EML1: variants seen among roughly 807,000 people sequenced by gnomAD.
EML1 encodes the protein echinoderm microtubule-associated protein-like 1.
In EML1, 27 loss-of-function variants were observed where a neutral mutation model predicts 110.4. That is an observed-to-expected ratio of 0.24 (90% CI 0.18 to 0.34). The LOEUF is 0.34. EML1 is among the 10% of genes least tolerant of loss of function. The pLI, the probability that EML1 is intolerant of heterozygous loss-of-function variation, is 1.00. For missense variants in EML1, 741 were observed against 1,030.9 expected (o/e 0.72, Z 3.85); for synonymous variants, 344 against 385.8 (o/e 0.89, Z 1.27).
chr14:99,865,105 T>C (rs2059073104), intron 2 of EML1, among the ~76,000 whole-genome samples: 2 of 152,196 alleles, frequency 1.3e-5, no homozygotes, highest in Admixed American at 1.3e-4. Context: ...CATTTTAATA[T>C]ATAATGAAAT....
At chr14:99,767,643 A>G (rs547053934) in intron 1 of EML1, among the ~76,000 whole-genome samples, 31 of 152,278 alleles carry the variant, frequency 2.0e-4, no homozygotes, top group African/African-American at 7.2e-4. Flanking sequence ...AATGGGAATT[A>G]GGGTTCTCTG....
At chr14:99,913,578 G>A (rs1188485416) in intron 13 of EML1, among the ~76,000 whole-genome samples, 1 of 152,154 alleles carries the variant, frequency 6.6e-6, no homozygotes, top group East Asian at 1.9e-4. Flanking sequence ...AAATTTTGTT[G>A]AGGAAAATGC....
At chr14:99,764,579 C>T (rs1242652934) in intron 1 of EML1, among the ~76,000 whole-genome samples, 2 of 152,264 alleles carry the variant, frequency 1.3e-5, no homozygotes, top group African/African-American at 4.8e-5. Flanking sequence ...TCTAGTGGAG[C>T]ATGCAGGTTG....
chr14:99,832,591 T>A (rs2058477272), intron 1 of EML1, among the ~76,000 whole-genome samples: 1 of 152,212 alleles, frequency 6.6e-6, no homozygotes, highest in Non-Finnish European at 1.5e-5. Context: ...TCATTTCGGT[T>A]TTAATTTGCA....
intron 1 of EML1, among the ~76,000 whole-genome samples, chr14:99,819,169 G>A (rs2058219683): frequency 1.3e-5 from 2 of 152,060 alleles, no homozygotes; most frequent in East Asian, 3.9e-4. Context: ...GCCCAGATTG[G>A]TCTTTGAACT....
intron 4 of EML1, among the ~76,000 whole-genome samples, chr14:99,884,912 C>G (rs891509626): frequency 6.6e-6 from 1 of 152,176 alleles, no homozygotes; most frequent in Admixed American, 6.5e-5. Flanking sequence ...AGACCCAACT[C>G]AGGATCCCCT....
intron 3 of EML1, among the ~76,000 whole-genome samples, chr14:99,872,197 G>A (rs2059217165): frequency 6.6e-6 from 1 of 152,116 alleles, no homozygotes; most frequent in Non-Finnish European, 1.5e-5. Flanking sequence ...AACAAGTCCT[G>A]GCTATGAACA....
At chr14:99,847,692 T>C (rs575992406) in intron 1 of EML1, among the ~76,000 whole-genome samples, 2 of 152,332 alleles carry the variant, frequency 1.3e-5, no homozygotes, top group African/African-American at 4.8e-5. Flanking sequence ...ATTTTAAAGC[T>C]CTATTAGGCA....
chr14:99,814,545 A>G (rs527616150), intron 1 of EML1, among the ~76,000 whole-genome samples: 1 of 152,278 alleles, frequency 6.6e-6, no homozygotes, highest in African/African-American at 2.4e-5. Context: ...GGTTACAGAC[A>G]TGAGCCACTG....
chr14:99,759,249 C>T (rs1364737308), intron 1 of EML1, among the ~76,000 whole-genome samples: 2 of 152,222 alleles, frequency 1.3e-5, no homozygotes, highest in Admixed American at 6.5e-5. Context: ...AGTCAGCCCT[C>T]AGCCCCTCCA....
chr14:99,846,689 T>G (rs1196683170), intron 1 of EML1, among the ~76,000 whole-genome samples: 1 of 152,222 alleles, frequency 6.6e-6, no homozygotes, highest in Non-Finnish European at 1.5e-5. Context: ...TTTATATAAC[T>G]TATCAAATTA....
At chr14:99,885,147 CTATT>C (rs1249132389) in intron 4 of EML1, among the ~76,000 whole-genome samples, 7 of 152,208 alleles carry the variant, frequency 4.6e-5, no homozygotes, top group Admixed American at 1.3e-4. Context: ...TGCTCAATAA[CTATT>C]TGTTGAATGG....
intron 9 of EML1, among the ~76,000 whole-genome samples, chr14:99,906,215 C>T (rs111663450): frequency 0.019 from 2,946 of 152,160 alleles, 44 homozygotes; most frequent in Middle Eastern, 0.041. Flanking sequence ...TAAAGGGGTC[C>T]CAATCCAGAC....
chr14:99,741,606 A>C (rs1224888311), intron 1 of EML1, among the ~76,000 whole-genome samples: 1 of 136,706 alleles, frequency 7.3e-6, no homozygotes, highest in Non-Finnish European at 1.6e-5. Flanking sequence ...GAACCCAGAC[A>C]GCACCCCAGC....
chr14:99,794,032 T>C (rs1169521726), intron 1 of EML1, among the ~76,000 whole-genome samples: 1 of 152,204 alleles, frequency 6.6e-6, no homozygotes, highest in African/African-American at 2.4e-5. Flanking sequence ...CAGGTCTACT[T>C]TAATGAAATC....
At chr14:99,840,711 G>A in intron 1 of EML1, among the ~76,000 whole-genome samples, 1 of 152,228 alleles carries the variant, frequency 6.6e-6, no homozygotes, top group South Asian at 2.1e-4. Flanking sequence ...ATAGCACTCA[G>A]ATAACAATGT....
At position 99,923,193 on chromosome 14, in the gene EML1, C is replaced by T. The variant is rs183326379; in HGVS notation, c.1909+2316C>T. On this transcript the variant is annotated intron_variant, in intron 17 of 21. Transcript: ENST00000262233. ...CTGGGCCCAAGTGATCTGCCTGCCTCGGCCTCCCAAAACTGCTGGGATTAT... is the reference window on the plus strand; with the variant it reads ...CTGGGCCCAAGTGATCTGCCTGCCTTGGCCTCCCAAAACTGCTGGGATTAT... Among the ~76,000 whole-genome samples, 536 of 152,300 alleles carry T rather than the reference C, an allele frequency of 3.5e-3. 3 individuals carry two copies. Among genetic ancestry groups the T allele is most frequent in the Non-Finnish European group, 5.4e-3 (366 of 68,012 alleles).
chr14:99,857,103 C>T (rs2058915617), intron 2 of EML1, among the ~76,000 whole-genome samples: 1 of 152,012 alleles, frequency 6.6e-6, no homozygotes, highest in Admixed American at 6.5e-5. Context: ...GAAACCCCAC[C>T]TCTACAAAAA....
intron 1 of EML1, among the ~76,000 whole-genome samples, chr14:99,774,543 G>A (rs949583179): frequency 1.6e-4 from 24 of 152,180 alleles, no homozygotes; most frequent in African/African-American, 5.8e-4. Flanking sequence ...CCACTCAAGG[G>A]TTCATGCTTG....
Sources: gnomAD v4.1 joint callset for allele counts (sites outside exome capture counted in the v4.1 genomes callset) on GRCh38, gnomAD v4.1.1 for gene constraint, MANE v1.5 for transcripts, NCBI Gene and HGNC (gene_info 2026-07-23, HGNC 2026-07-21) for gene names.